ASIC2: variants seen among roughly 807,000 people sequenced by gnomAD.
ASIC2 encodes acid-sensing ion channel 2.
In ASIC2, 25 loss-of-function variants were observed where a neutral mutation model predicts 57.3. The observed-to-expected ratio is 0.44, with a 90% CI of 0.32 to 0.61. The LOEUF is 0.61. Among genes scored for constraint, ASIC2 ranks in the 20% least tolerant of loss-of-function variants. ASIC2 has a pLI of 0.06. For synonymous variants in ASIC2, 319 were observed against 307.5 expected (o/e 1.04, Z -0.39); for missense variants, 641 against 738.1 (o/e 0.87, Z 1.52).
At chr17:34,039,707 T>C in intron 1 of ASIC2, 1 of 1,612,420 alleles carries the variant, frequency 6.2e-7, no homozygotes, top group Non-Finnish European at 8.5e-7. Flanking sequence ...TCATTCTGCT[T>C]TTTCTTGGGA....
At chr17:33,625,298 A>G (rs1372593449) in intron 1 of ASIC2, among the ~76,000 whole-genome samples, 1 of 152,116 alleles carries the variant, frequency 6.6e-6, no homozygotes, top group African/African-American at 2.4e-5. Flanking sequence ...CATGTTGTAA[A>G]GATGTTCAGG....
chr17:33,579,217 C>G (rs550601130), intron 1 of ASIC2, among the ~76,000 whole-genome samples: 3 of 146,844 alleles, frequency 2.0e-5, no homozygotes, highest in African/African-American at 5.1e-5. Context: ...ACCCGGGAGG[C>G]AGAGGTTGCA....
intron 1 of ASIC2, among the ~76,000 whole-genome samples, chr17:33,854,082 A>T (rs1297893792): frequency 6.6e-6 from 1 of 152,208 alleles, no homozygotes; most frequent in African/African-American, 2.4e-5. Context: ...TTCTGGTGCA[A>T]TACATCTTCT....
rs546911392 is a variant in ASIC2 at position 33,325,024 on chromosome 17, G to A, written c.556-212957C>T. On this transcript the variant is annotated intron_variant, in intron 1 of 9. Coordinates refer to the ASIC2 transcript ENST00000359872. ...GGGGTGAATGCTGACTTCTTTCCGG[G>A]CTCTGTGCTTGATGCTTTCCGCCTG... Among the ~76,000 whole-genome samples the A allele has an allele frequency of 3.2e-4, 49 of 152,290 alleles. 2 individuals are homozygous for A. Among genetic ancestry groups the A allele is most frequent in the African/African-American group, 1.0e-3 (42 of 41,566 alleles).
At chr17:34,095,637 A>ATATATATATATATAATTT (rs1555595828) in intron 1 of ASIC2, among the ~76,000 whole-genome samples, 25 of 126,656 alleles carry the variant, frequency 2.0e-4, no homozygotes, top group African/African-American at 5.8e-4. Context: ...ATAATTTTAT[A>ATATATATATATATAATTT]TATATATATA....
intron 1 of ASIC2, among the ~76,000 whole-genome samples, chr17:33,562,795 C>G (rs1205893477): frequency 6.6e-6 from 1 of 152,130 alleles, no homozygotes; most frequent in East Asian, 1.9e-4. Flanking sequence ...CAGCAGCTAG[C>G]TAGGAGGTAG....
chr17:34,019,267 G>A (rs561284594), intron 1 of ASIC2, among the ~76,000 whole-genome samples: 2 of 152,242 alleles, frequency 1.3e-5, no homozygotes, highest in East Asian at 3.9e-4. Context: ...TGACAACAAA[G>A]GATTGAGAAT....
intron 1 of ASIC2, among the ~76,000 whole-genome samples, chr17:33,496,603 GTTTTTTTTTTTTTTTTTTTTT>G (rs61267122): frequency 4.5e-4 from 32 of 70,996 alleles, no homozygotes; most frequent in African/African-American, 1.3e-3. Flanking sequence ...GTTATTGTAG[GTTTTTTTTTTTTTTTTTTTTT>G]TTTTTTTTTT....
At chr17:33,673,827 G>T (rs1034245949) in intron 1 of ASIC2, among the ~76,000 whole-genome samples, 54 of 152,016 alleles carry the variant, frequency 3.6e-4, no homozygotes, top group African/African-American at 1.3e-3. Flanking sequence ...TTGTAAAGAT[G>T]TGGGCAAGTG....
intron 1 of ASIC2, among the ~76,000 whole-genome samples, chr17:33,192,971 A>T (rs1906485840): frequency 6.6e-6 from 1 of 152,202 alleles, no homozygotes; most frequent in Admixed American, 6.5e-5. Flanking sequence ...CCATTATTCA[A>T]GAAGGATTGC....
At chr17:33,169,776 G>A (rs1905439187) in intron 1 of ASIC2, among the ~76,000 whole-genome samples, 1 of 152,134 alleles carries the variant, frequency 6.6e-6, no homozygotes, top group South Asian at 2.1e-4. Flanking sequence ...GGGGTTTCTG[G>A]AGAAGACGTC....
Position 33,021,215 on chromosome 17 carries a change from T to C in ASIC2, c.1441+4A>G. ...GGAAATTTGTGCAATAGACACTGAC[T>C]TACCAAGTAAGGCAGCAACTTCATA... On this transcript the variant is annotated splice_donor_region_variant and intron_variant, in intron 7 of 9. Transcript: ENST00000225823. The C allele has an allele frequency of 7.5e-7, 1 of 1,326,828 alleles. No individual in the cohort carries two copies. Among genetic ancestry groups the C allele is most frequent in the Non-Finnish European group, 1.0e-6 (1 of 990,428 alleles). 82.2% of individuals were successfully genotyped at this position (1,326,828 alleles called of 1,614,324 possible).
At chr17:33,935,249 C>G (rs1289142976) in intron 1 of ASIC2, among the ~76,000 whole-genome samples, 1 of 152,208 alleles carries the variant, frequency 6.6e-6, no homozygotes, top group African/African-American at 2.4e-5. Context: ...CAAATGTCAC[C>G]TTTTCTGTAT....
chr17:33,096,469 G>A (rs1195164543), intron 2 of ASIC2, among the ~76,000 whole-genome samples: 1 of 152,220 alleles, frequency 6.6e-6, no homozygotes, highest in Non-Finnish European at 1.5e-5. Context: ...GCTTCTGGCT[G>A]CTAAATGGAT....
At chr17:33,271,474 C>T (rs1316224955) in intron 1 of ASIC2, among the ~76,000 whole-genome samples, 1 of 152,148 alleles carries the variant, frequency 6.6e-6, no homozygotes, top group African/African-American at 2.4e-5. Context: ...TCGCCTCCCA[C>T]CTCTCTCAAC....
chr17:33,984,659 T>C (rs545515790), intron 1 of ASIC2, among the ~76,000 whole-genome samples: 2 of 152,212 alleles, frequency 1.3e-5, no homozygotes, highest in African/African-American at 4.8e-5. Context: ...GCCTTTGCAC[T>C]GCATGAGTCA....
chr17:33,115,424 A>C (rs2092277210), intron 1 of ASIC2, among the ~76,000 whole-genome samples: 1 of 152,134 alleles, frequency 6.6e-6, no homozygotes, highest in Non-Finnish European at 1.5e-5. Context: ...CCCAGTCCCC[A>C]CTGGGGCCCT....
chr17:34,042,091 T>C (rs1047564622), intron 1 of ASIC2, among the ~76,000 whole-genome samples: 1 of 152,220 alleles, frequency 6.6e-6, no homozygotes, highest in South Asian at 2.1e-4. Context: ...TTGATAAGTA[T>C]GTAGAGCACT....
chr17:33,195,706 G>A (rs1413898292), intron 1 of ASIC2, among the ~76,000 whole-genome samples: 1 of 152,170 alleles, frequency 6.6e-6, no homozygotes, highest in African/African-American at 2.4e-5. Context: ...TGCAGACAGG[G>A]AAACTGAGGA....
Sources: gnomAD v4.1 joint callset for allele counts (sites outside exome capture counted in the v4.1 genomes callset) on GRCh38, gnomAD v4.1.1 for gene constraint, MANE v1.5 for transcripts, NCBI Gene and HGNC (gene_info 2026-07-23, HGNC 2026-07-21) for gene names.